The following POU2F3 variants were observed in gnomAD, a reference collection of about 807,000 sequenced individuals.
POU2F3 encodes POU class 2 homeobox 3, also known as POU domain, class 2, transcription factor 3.
A neutral mutation model predicts 59.2 loss-of-function variants in POU2F3; 23 were observed. The observed-to-expected ratio is 0.39, with a 90% CI of 0.28 to 0.55. The LOEUF is 0.55. Among genes scored for constraint, POU2F3 ranks in the 20% least tolerant of loss-of-function variants. POU2F3 has a pLI of 0.66. For missense variants in POU2F3, 473 were observed against 544.5 expected (o/e 0.87, Z 1.31); for synonymous variants, 190 against 214.6 (o/e 0.89, Z 1.00).
chr11:120,267,254 G>A (rs758509078), intron 2 of POU2F3, among the ~76,000 whole-genome samples: 3 of 151,546 alleles, frequency 2.0e-5, no homozygotes, highest in Admixed American at 1.3e-4. Context: ...TCACCCTCCC[G>A]AATAGCTGGG....
At chr11:120,287,224 C>G (rs1940814913) in intron 3 of POU2F3, among the ~76,000 whole-genome samples, 1 of 152,208 alleles carries the variant, frequency 6.6e-6, no homozygotes, top group African/African-American at 2.4e-5. Context: ...GGCCTAGATT[C>G]AAGCTCTGCC....
intron 3 of POU2F3, among the ~76,000 whole-genome samples, chr11:120,274,450 G>A (rs965995499): frequency 6.6e-6 from 1 of 152,210 alleles, no homozygotes; most frequent in Admixed American, 6.5e-5. Context: ...GATAAGATCA[G>A]GAAGATTTTG....
At position 120,318,355 on chromosome 11, in the gene POU2F3, C is replaced by T; in HGVS notation, c.1274C>T (p.Ser425Phe). Residue 425 changes from serine to phenylalanine, a missense_variant and splice_region_variant, in exon 13 of 13, where the codon TCT becomes TTT. By Grantham distance (155) the Ser-to-Phe change is radical. Coordinates refer to ENST00000543440, the MANE Select transcript of POU2F3 (RefSeq NM_014352.4). ...NSASSFNSSGSWYRWNHSTYL... is the reference protein window; with the variant it reads ...NSASSFNSSGFWYRWNHSTYL... ...ATTGACTTCTTTCTTCCTTCCAGAT[C>T]TTGGTACCGATGGAATCATTCCACC... 2 of 1,604,562 alleles carry T rather than the reference C, an allele frequency of 1.2e-6. No individual in the cohort carries two copies. The highest frequency in any genetic ancestry group is 1.7e-6 in the Non-Finnish European group (2 of 1,171,268).
At chr11:120,278,861 A>G (rs1940445281) in intron 3 of POU2F3, among the ~76,000 whole-genome samples, 3 of 152,196 alleles carry the variant, frequency 2.0e-5, no homozygotes, top group Non-Finnish European at 2.9e-5. Flanking sequence ...GTGTATACCT[A>G]TGTAACAAAC....
intron 2 of POU2F3, among the ~76,000 whole-genome samples, chr11:120,262,122 C>G (rs943146704): frequency 6.6e-6 from 1 of 152,236 alleles, no homozygotes; most frequent in African/African-American, 2.4e-5. Flanking sequence ...TATTTCAGCA[C>G]TGACTGCACC....
At chr11:120,248,634 G>A (rs903099007) in intron 2 of POU2F3, among the ~76,000 whole-genome samples, 7 of 152,266 alleles carry the variant, frequency 4.6e-5, no homozygotes, top group Middle Eastern at 6.8e-3. Flanking sequence ...CAAGGAGCCC[G>A]TGATGTCTGG....
rs992530313 is a variant in POU2F3 at position 120,305,798 on chromosome 11, A to C, written c.769+13A>C. 1.2e-6 allele frequency: 2 copies of C among 1,612,680 alleles called. No individual in the cohort carries two copies. The highest frequency in any genetic ancestry group is 2.7e-5 in the African/African-American group (2 of 74,880). ...CTGAATGATGCAGGTAGGCCTCGCA[A>C]ACACGGATGCCAGGGGCCCTAGAGG... On this transcript the variant is annotated intron_variant, in intron 8 of 12. Coordinates refer to ENST00000543440, the MANE Select transcript of POU2F3 (RefSeq NM_014352.4).
intron 4 of POU2F3, among the ~76,000 whole-genome samples, 191 bp downstream of exon 4, chr11:120,298,581 G>A (rs976026872): frequency 1.1e-4 from 16 of 152,104 alleles, no homozygotes; most frequent in Non-Finnish European, 1.8e-4. Context: ...TGAAGAGGGA[G>A]GCCTCTACTT....
chr11:120,312,334 G>C (rs975886738), intron 10 of POU2F3, among the ~76,000 whole-genome samples: 1 of 152,090 alleles, frequency 6.6e-6, no homozygotes, highest in African/African-American at 2.4e-5. Flanking sequence ...TGTTGGCCAG[G>C]CTGGTCTTGA....
At chr11:120,318,003 A>G (rs1249287934) in intron 12 of POU2F3, among the ~76,000 whole-genome samples, 6 of 152,212 alleles carry the variant, frequency 3.9e-5, no homozygotes, top group Non-Finnish European at 7.3e-5. Flanking sequence ...CAGGCGGTTC[A>G]GCAAGGCAGC....
chr11:120,316,668 C>A (rs1591449195), intron 11 of POU2F3, among the ~76,000 whole-genome samples: 1 of 152,282 alleles, frequency 6.6e-6, no homozygotes, highest in East Asian at 1.9e-4. Flanking sequence ...TTAATCGGCC[C>A]TCCTGCCTCA....
chr11:120,241,014 C>A (rs1192377407), intron 1 of POU2F3, among the ~76,000 whole-genome samples: 1 of 152,112 alleles, frequency 6.6e-6, no homozygotes, highest in South Asian at 2.1e-4. Flanking sequence ...GTCAGGCTTC[C>A]CTGAATGAAT....
At chr11:120,300,865 C>T (rs541000487) in intron 5 of POU2F3, 6 of 335,584 alleles carry the variant, frequency 1.8e-5, no homozygotes, top group Admixed American at 1.6e-4. Context: ...GCAACTCTGC[C>T]TTCCGCCCTT....
intron 3 of POU2F3, among the ~76,000 whole-genome samples, chr11:120,293,642 T>A (rs1275964828): frequency 6.6e-6 from 1 of 152,138 alleles, no homozygotes; most frequent in Admixed American, 6.5e-5. Flanking sequence ...GACAACAGCT[T>A]TGATCATTTT....
chr11:120,296,138 G>A lies in POU2F3; in HGVS notation c.133-2127G>A, dbSNP rs144957774. The stretch of plus-strand genomic sequence containing the variant: ...TCCCATAGAGGCTGAGTCCCATAGA[G>A]GCTCAAGATTACGTAGTAAATTAGA... On this transcript the variant is annotated intron_variant, in intron 3 of 12. Transcript: ENST00000543440. Among the ~76,000 whole-genome samples the A allele has an allele frequency of 3.4e-3, 517 of 152,292 alleles. 1 individual carries two copies. Among genetic ancestry groups the A allele is most frequent in the African/African-American group, 0.011 (476 of 41,562 alleles).
Position 120,309,516 on chromosome 11 carries a change from G to A in POU2F3, c.998G>A (p.Arg333His). 6.2e-7 allele frequency: 1 copy of A among 1,614,044 alleles called. No homozygotes were observed. The highest frequency in any genetic ancestry group is 8.5e-7 in the Non-Finnish European group (1 of 1,180,000). Reference protein sequence around the residue: ...EVVRVWFCNRRQKEKRINCPV... With the variant: ...EVVRVWFCNRHQKEKRINCPV... ...GTGAGGGTCTGGTTCTGCAACCGACGCCAAAAGGAGAAGCGAATCAACTGC... is the reference window on the plus strand; with the variant it reads ...GTGAGGGTCTGGTTCTGCAACCGACACCAAAAGGAGAAGCGAATCAACTGC... The change falls in exon 10 of 13, where the codon CGC becomes CAC. Residue 333 changes from arginine (R) to histidine (H), a missense_variant. Coordinates refer to ENST00000543440, the MANE Select transcript of POU2F3 (RefSeq NM_014352.4).
chr11:120,276,160 G>A (rs1940313038), intron 3 of POU2F3, among the ~76,000 whole-genome samples: 1 of 152,152 alleles, frequency 6.6e-6, no homozygotes, highest in Admixed American at 6.5e-5. Flanking sequence ...AGCAGCCTCA[G>A]GACAGCAAGC....
At chr11:120,292,221 G>A (rs1450867545) in intron 3 of POU2F3, among the ~76,000 whole-genome samples, 1 of 152,174 alleles carries the variant, frequency 6.6e-6, no homozygotes, top group Non-Finnish European at 1.5e-5. Context: ...CTAGTTGGAG[G>A]CAAGGATGGG....
intron 12 of POU2F3, 56 bp downstream of exon 12, chr11:120,317,420 A>G: frequency 6.2e-7 from 1 of 1,600,268 alleles, no homozygotes; most frequent in South Asian, 1.1e-5. Flanking sequence ...GACATGTGAG[A>G]AGCTGAGCCT....
Sources: allele counts gnomAD v4.1 joint callset (sites outside exome capture counted in the v4.1 genomes callset), GRCh38; gene constraint gnomAD v4.1.1; transcripts MANE v1.5; gene names NCBI Gene and HGNC (gene_info 2026-07-23, HGNC 2026-07-21).